Variants in ABCC11 observed in about 807,000 individuals in gnomAD.
ABCC11 encodes the protein ATP-binding cassette sub-family C member 11.
A neutral mutation model predicts 149.3 loss-of-function variants in ABCC11; 135 were observed. That is an observed-to-expected ratio of 0.90 (90% CI 0.79 to 1.04). The LOEUF is 1.04. ABCC11 is among the 50% of genes least tolerant of loss of function. The pLI is 0.00. For synonymous variants in ABCC11, 665 were observed against 671.4 expected, an observed-to-expected ratio of 0.99 and a Z score of 0.15; for missense variants, 1,680 against 1,722.1, an observed-to-expected ratio of 0.98 and a Z score of 0.43.
chr16:48,185,110 C>T (rs1016407705), intron 22 of ABCC11, among the ~76,000 whole-genome samples: 2 of 152,050 alleles, frequency 1.3e-5, no homozygotes, highest in African/African-American at 2.4e-5. Context: ...CCGAGACACC[C>T]GGGGAACATT....
chr16:48,194,453 C>A (rs1967206607), intron 18 of ABCC11, among the ~76,000 whole-genome samples: 1 of 152,088 alleles, frequency 6.6e-6, no homozygotes, highest in Admixed American at 6.5e-5. Context: ...GGAATAGTAC[C>A]AAATGTATGC....
chr16:48,216,340 A>C (rs946312473), intron 6 of ABCC11, 53 bp from the exon 7 acceptor site: 1 of 1,572,912 alleles, frequency 6.4e-7, no homozygotes, highest in African/African-American at 1.4e-5. Flanking sequence ...GGTACACAGA[A>C]GGGGTGGCAG....
At chr16:48,200,568 C>T (rs1435448779) in intron 14 of ABCC11, 89 bp from the exon 15 acceptor site, 2 of 1,357,956 alleles carry the variant, frequency 1.5e-6, no homozygotes, top group Admixed American at 2.1e-5. Flanking sequence ...CAGACAGAAC[C>T]CCCTCAGTAC....
intron 1 of ABCC11, among the ~76,000 whole-genome samples, chr16:48,245,936 G>C (rs1383739554): frequency 6.6e-6 from 1 of 152,068 alleles, no homozygotes; most frequent in Non-Finnish European, 1.5e-5. Context: ...TTTCAGTTTA[G>C]AGCTTCTCCT....
intron 10 of ABCC11, among the ~76,000 whole-genome samples, chr16:48,212,057 T>A (rs910228736): frequency 6.6e-6 from 1 of 152,004 alleles, no homozygotes; most frequent in Non-Finnish European, 1.5e-5. Context: ...AAGGGGAGAA[T>A]GAATGGGTGA....
In ABCC11 at chr16:48,222,737, T is replaced by G; in HGVS notation, c.638A>C (p.Glu213Ala). 6.2e-7 allele frequency: 1 copy of G among 1,614,160 alleles called. No homozygotes were observed. Among genetic ancestry groups the G allele is most frequent in the African/African-American group, 1.3e-5 (1 of 75,014 alleles). ...GGAGAAACTCAGAGACTTCACACAT[T>G]CGGAGAGAAAAAGGGCAAAGCAGAG... ...VGLCFALFLSECVKSLSFSSS... is the reference protein window; with the variant it reads ...VGLCFALFLSACVKSLSFSSS... The change falls in exon 6 of 30, where the codon GAA becomes GCA. Residue 213 changes from glutamate to alanine, a missense_variant. Transcript: ENST00000356608.
At chr16:48,226,676 A>G (rs998320610) in intron 4 of ABCC11, among the ~76,000 whole-genome samples, 3 of 152,230 alleles carry the variant, frequency 2.0e-5, no homozygotes, top group African/African-American at 7.2e-5. Flanking sequence ...GGCATTATCC[A>G]AAAAGTATTT....
chr16:48,190,680 T>C (rs1450044480), intron 20 of ABCC11, among the ~76,000 whole-genome samples: 1 of 152,206 alleles, frequency 6.6e-6, no homozygotes, highest in Non-Finnish European at 1.5e-5. Context: ...TTCAGTATTC[T>C]AACCAAACAC....
chr16:48,218,979 A>G (rs1969539146), intron 6 of ABCC11, among the ~76,000 whole-genome samples: 1 of 152,198 alleles, frequency 6.6e-6, no homozygotes, highest in Non-Finnish European at 1.5e-5. Context: ...CTACAAAGCA[A>G]CACAAAGATG....
intron 4 of ABCC11, among the ~76,000 whole-genome samples, chr16:48,226,371 T>G (rs1488590821): frequency 6.6e-6 from 1 of 151,048 alleles, no homozygotes; most frequent in African/African-American, 2.4e-5. Flanking sequence ...GCCTCCTGGG[T>G]TCACGCCATT....
rs985476355 is a variant in ABCC11 at position 48,213,350 on chromosome 16, G to A, written c.1356+93C>T. ...TAATCCCTCTCTCGACCTAGGCCTTGGCCAGGGGACGTGTTCTGGAGGAAC... is the reference window on the plus strand; with the variant it reads ...TAATCCCTCTCTCGACCTAGGCCTTAGCCAGGGGACGTGTTCTGGAGGAAC... On this transcript the variant is annotated intron_variant, in intron 10 of 29. Transcript: ENST00000356608. 13 of 1,124,212 alleles carry A rather than the reference G, an allele frequency of 1.2e-5. No homozygotes were observed. In the African/African-American group the frequency reaches 1.9e-4, roughly 16 times the overall value. 69.6% of individuals were successfully genotyped at this position (1,124,212 alleles called of 1,614,324 possible).
Position 48,178,665 on chromosome 16 carries a change from T to C in ABCC11, c.3280A>G (p.Thr1094Ala), listed in dbSNP as rs748179775. 6.2e-7 allele frequency: 1 copy of C among 1,613,984 alleles called. No individual in the cohort carries two copies. The highest frequency in any genetic ancestry group is 8.5e-7 in the Non-Finnish European group (1 of 1,180,026). ...TCTGTCTCCAAGCCAATCCGGGCAG[T>C]GGCCTGGAAGCTGGACGCCAGCTAG... ...VLQLASSFQA[T>A]ARIGLETEAQ... Residue 1094 changes from threonine (T) to alanine (A), a missense_variant, in exon 24 of 30, where the codon ACT (threonine) becomes GCT (alanine). By Grantham distance (58) the Thr-to-Ala change is moderately conservative. Coordinates refer to ENST00000356608, the MANE Select transcript of ABCC11 (RefSeq NM_001370497.1).
intron 12 of ABCC11, 59 bp from the exon 13 acceptor site, chr16:48,205,596 G>A (rs1968371503): frequency 1.3e-6 from 2 of 1,588,406 alleles, no homozygotes; most frequent in Non-Finnish European, 1.7e-6. Context: ...AGCCTGCCTG[G>A]CTCAGCAGGC....
intron 9 of ABCC11, 67 bp from the exon 10 acceptor site, chr16:48,213,617 C>T (rs984631114): frequency 2.9e-5 from 36 of 1,257,600 alleles, no homozygotes; most frequent in South Asian, 4.3e-5. Flanking sequence ...CCCTGTCACC[C>T]GCATCCCTGA....
At chr16:48,170,710 G>A (rs1965660798) in intron 27 of ABCC11, among the ~76,000 whole-genome samples, 179 bp downstream of exon 27, 1 of 152,178 alleles carries the variant, frequency 6.6e-6, no homozygotes, top group Non-Finnish European at 1.5e-5. Flanking sequence ...GCACACGGTT[G>A]GTGTCTGAGT....
At chr16:48,176,179 C>T (rs916210998) in intron 25 of ABCC11, 1 of 152,242 alleles carries the variant, frequency 6.6e-6, no homozygotes, top group African/African-American at 2.4e-5. Context: ...TATGTGGAAG[C>T]TCTTCACCCT....
chr16:48,204,987 T>C (rs1165014095), intron 13 of ABCC11, among the ~76,000 whole-genome samples: 2 of 152,190 alleles, frequency 1.3e-5, no homozygotes, highest in African/African-American at 4.8e-5. Flanking sequence ...CCCATTTGTT[T>C]TCCTTTTCAC....
chr16:48,238,233 A>T (rs182612695), intron 1 of ABCC11, among the ~76,000 whole-genome samples: 1 of 152,296 alleles, frequency 6.6e-6, no homozygotes, highest in East Asian at 1.9e-4. Flanking sequence ...AAGTTTCTAT[A>T]TTTGTGTCTC....
intron 3 of ABCC11, among the ~76,000 whole-genome samples, chr16:48,228,362 G>C (rs1970214449): frequency 6.6e-6 from 1 of 152,070 alleles, no homozygotes; most frequent in South Asian, 2.1e-4. Flanking sequence ...GGGAGGCCGA[G>C]GAGGGTGGAT....
Sources: allele counts gnomAD v4.1 joint callset (sites outside exome capture counted in the v4.1 genomes callset), GRCh38; gene constraint gnomAD v4.1.1; transcripts MANE v1.5; gene names NCBI Gene and HGNC (gene_info 2026-07-23, HGNC 2026-07-21).